The following ANGPT2 variants were observed in gnomAD, a reference collection of about 807,000 sequenced individuals.
ANGPT2 encodes the protein angiopoietin-2.
Under a neutral mutation model 62.9 loss-of-function variants are expected in ANGPT2, and 28 were observed. That is an observed-to-expected ratio of 0.44 (90% CI 0.33 to 0.61). The LOEUF (loss-of-function observed/expected upper bound fraction) is 0.61. ANGPT2 is among the 20% of genes least tolerant of loss of function. ANGPT2 has a pLI of 0.03. For synonymous variants in ANGPT2, 284 were observed against 207.8 expected (o/e 1.37, Z -3.15); for missense variants, 727 against 594.9 (o/e 1.22, Z -2.31).
rs1026523412 is a variant in ANGPT2, at chr8:6,511,983, G to A, written c.1196+1695C>T. On this transcript the variant is annotated intron_variant, in intron 7 of 8. Transcript: ENST00000629816. ...ATATTTAACTTGGAGGTAAAACACTGACCAACCACTTGTGTCTCAAAATTC... is the reference window on the plus strand; with the variant it reads ...ATATTTAACTTGGAGGTAAAACACTAACCAACCACTTGTGTCTCAAAATTC... 1.8e-4 allele frequency among the ~76,000 whole-genome samples: 27 copies of A among 149,940 alleles called. 1 individual carries two copies. Among genetic ancestry groups the A allele is most frequent in the African/African-American group, 6.4e-4 (26 of 40,672 alleles).
At chr8:6,560,954 G>A (rs1358967089) in intron 1 of ANGPT2, among the ~76,000 whole-genome samples, 1 of 152,230 alleles carries the variant, frequency 6.6e-6, no homozygotes, top group South Asian at 2.1e-4. Flanking sequence ...CTGTCGGGCA[G>A]ATTAGAATAT....
chr8:6,503,023 C>A lies in ANGPT2; in HGVS notation c.*78G>T. ...CTCTGTGGTGGAAGAGGACACAGTGCGCAGCCGTGACTTTCAGTGCACTGG... is the reference window on the plus strand; with the variant it reads ...CTCTGTGGTGGAAGAGGACACAGTGAGCAGCCGTGACTTTCAGTGCACTGG... On this transcript the variant is annotated 3_prime_UTR_variant, in exon 9 of 9. Transcript: ENST00000629816. 2 of 1,545,306 alleles carry A rather than the reference C, an allele frequency of 1.3e-6. No homozygotes were observed. Among genetic ancestry groups the A allele is most frequent in the Non-Finnish European group, 8.8e-7 (1 of 1,130,094 alleles).
intron 7 of ANGPT2, among the ~76,000 whole-genome samples, chr8:6,512,061 C>T (rs1815242094): frequency 6.6e-6 from 1 of 152,096 alleles, no homozygotes; most frequent in Admixed American, 6.6e-5. Flanking sequence ...GAGGCCCAAA[C>T]ACCTATCTTC....
intron 1 of ANGPT2, 142 bp from the exon 2 acceptor site, chr8:6,532,629 A>G (rs1819742671): frequency 3.0e-6 from 2 of 674,174 alleles, no homozygotes; most frequent in Admixed American, 7.7e-5. Flanking sequence ...TCCTTTTGGA[A>G]TCTTACTATT....
intron 3 of ANGPT2, 87 bp downstream of exon 3, chr8:6,527,468 C>G (rs1818544254): frequency 6.7e-7 from 1 of 1,496,774 alleles, no homozygotes. Flanking sequence ...AGAAACTCAC[C>G]ATTCTGATAA....
At chr8:6,545,295 G>A (rs1014429367) in intron 1 of ANGPT2, among the ~76,000 whole-genome samples, 1 of 152,142 alleles carries the variant, frequency 6.6e-6, no homozygotes, top group African/African-American at 2.4e-5. Flanking sequence ...ATTTTTAAAA[G>A]TTATCAAGCT....
chr8:6,549,458 C>T (rs1428356602), intron 1 of ANGPT2, among the ~76,000 whole-genome samples: 24 of 152,256 alleles, frequency 1.6e-4, no homozygotes, highest in African/African-American at 5.5e-4. Context: ...GGGATATTGA[C>T]GAGGAGGGGC....
chr8:6,531,293 CT>C (rs112161330), intron 2 of ANGPT2, among the ~76,000 whole-genome samples: 243 of 142,132 alleles, frequency 1.7e-3, no homozygotes, highest in Non-Finnish European at 1.8e-3. Context: ...TTCTTTCTTT[CT>C]TTTTTTTTTT....
chr8:6,556,125 G>T (rs1824571319), intron 1 of ANGPT2, among the ~76,000 whole-genome samples: 1 of 151,982 alleles, frequency 6.6e-6, no homozygotes, highest in Non-Finnish European at 1.5e-5. Flanking sequence ...GTCAACCAGT[G>T]ACTTAACTTC....
rs1824915733 is a variant in ANGPT2 at position 6,557,951 on chromosome 8, A to T, written c.288+4696T>A. Among the ~76,000 whole-genome samples the T allele has an allele frequency of 5.3e-5, 8 of 152,092 alleles. No individual in the cohort carries two copies. In the South Asian group the frequency reaches 1.7e-3, roughly 32 times the overall value. On this transcript the variant is annotated intron_variant, in intron 1 of 8. Transcript: ENST00000629816. ...CACCTCCTTTCTTCCCTGTCAAAAC[A>T]GTTGTGCCACGTCCTCCCCCTCTTC...
At chr8:6,532,571 C>CT in intron 1 of ANGPT2, 84 bp from the exon 2 acceptor site, 3 of 654,996 alleles carry the variant, frequency 4.6e-6, no homozygotes, top group Non-Finnish European at 4.2e-6. Flanking sequence ...TCCTCCCTAT[C>CT]TTTAAAAAAA....
chr8:6,547,590 A>G (rs1822830205), intron 1 of ANGPT2, among the ~76,000 whole-genome samples: 1 of 152,218 alleles, frequency 6.6e-6, no homozygotes, highest in African/African-American at 2.4e-5. Context: ...CCACCGTAGA[A>G]TGGCTGACTC....
intron 2 of ANGPT2, among the ~76,000 whole-genome samples, chr8:6,529,243 T>G (rs1285505889): frequency 6.6e-6 from 1 of 152,166 alleles, no homozygotes. Flanking sequence ...CTCATTCCCT[T>G]TAAGATATGA....
At chr8:6,520,060 G>A in intron 4 of ANGPT2, 69 bp from the exon 5 acceptor site, 9 of 1,558,768 alleles carry the variant, frequency 5.8e-6, no homozygotes, top group Non-Finnish European at 7.9e-6. Context: ...TATTTCAAGA[G>A]CCAATCATTT....
intron 6 of ANGPT2, 103 bp downstream of exon 6, chr8:6,514,574 A>T: frequency 1.0e-6 from 1 of 1,004,772 alleles, no homozygotes; most frequent in Non-Finnish European, 1.5e-6. Flanking sequence ...ACCATGTCAA[A>T]AGTCATTGGT....
intron 8 of ANGPT2, among the ~76,000 whole-genome samples, chr8:6,506,509 A>G (rs1300480866): frequency 2.0e-5 from 3 of 152,214 alleles, no homozygotes; most frequent in Non-Finnish European, 4.4e-5. Flanking sequence ...GGGTGGTCTA[A>G]TAAGCACACC....
rs1812409671 is a variant in ANGPT2 at position 6,502,589 on chromosome 8, T to G, written c.*512A>C. ...CAAATATTAAACTTCTAGTAACCCC[T>G]TCTCAGAATATCCCTGAATATGTCT... On this transcript the variant is annotated 3_prime_UTR_variant, in exon 9 of 9. Transcript: ENST00000629816. 1 of 152,462 alleles carries G rather than the reference T, an allele frequency of 6.6e-6. No individual in the cohort carries two copies. Among genetic ancestry groups the G allele is most frequent in the African/African-American group, 2.4e-5 (1 of 41,468 alleles). 9.4% of individuals were successfully genotyped at this position (152,462 alleles called of 1,614,324 possible).
chr8:6,520,032 G>A (rs1817015917), intron 4 of ANGPT2, 41 bp from the exon 5 acceptor site: 1 of 1,605,808 alleles, frequency 6.2e-7, no homozygotes, highest in Admixed American at 1.7e-5. Context: ...CGGAGTTCAT[G>A]AAAAGACAAA....
At chr8:6,555,662 C>T (rs755362864) in intron 1 of ANGPT2, among the ~76,000 whole-genome samples, 2 of 152,010 alleles carry the variant, frequency 1.3e-5, no homozygotes, top group Non-Finnish European at 2.9e-5. Context: ...GGGGTTTCAT[C>T]GTGTTGGCCA....
Sources: allele counts gnomAD v4.1 joint callset (sites outside exome capture counted in the v4.1 genomes callset), GRCh38; gene constraint gnomAD v4.1.1; transcripts MANE v1.5; gene names NCBI Gene and HGNC (gene_info 2026-07-23, HGNC 2026-07-21).